The following LYPD6B variants were observed in gnomAD, a reference collection of about 807,000 sequenced individuals.
LYPD6B encodes the protein LY6/PLAUR domain containing 6B.
In LYPD6B, 17 loss-of-function variants were observed where a neutral mutation model predicts 22.8. The ratio of observed to expected loss-of-function variants is 0.75; its 90% CI spans 0.51 to 1.12. LYPD6B has a LOEUF of 1.12. Among genes scored for constraint, LYPD6B ranks in the 50% most tolerant of loss-of-function variants. The pLI is 0.00. For missense variants in LYPD6B, 221 were observed against 258.3 expected (o/e 0.86, Z 0.99); for synonymous variants, 106 against 91.6 (o/e 1.16, Z -0.90).
At chr2:149,076,478 A>G (rs1486206379) in intron 1 of LYPD6B, among the ~76,000 whole-genome samples, 1 of 152,246 alleles carries the variant, frequency 6.6e-6, no homozygotes, top group Non-Finnish European at 1.5e-5. Flanking sequence ...ACACACAGAA[A>G]AAGATTTGTC....
intron 1 of LYPD6B, among the ~76,000 whole-genome samples, chr2:149,058,129 G>A (rs1683894848): frequency 6.6e-6 from 1 of 152,160 alleles, no homozygotes; most frequent in Non-Finnish European, 1.5e-5. Context: ...TGGATGAGTT[G>A]CCTTGGCCCT....
chr2:149,089,107 T>C (rs1270244594), intron 1 of LYPD6B, among the ~76,000 whole-genome samples: 3 of 152,224 alleles, frequency 2.0e-5, no homozygotes, highest in African/African-American at 4.8e-5. Flanking sequence ...TAGTGTACTA[T>C]AGATGAATTT....
chr2:149,143,334 C>CTT (rs35292057), intron 2 of LYPD6B, among the ~76,000 whole-genome samples: 28 of 148,114 alleles, frequency 1.9e-4, no homozygotes, highest in Admixed American at 3.4e-4. Context: ...TTGGTTCCAA[C>CTT]TTTTTTTTTT....
At chr2:149,129,287 G>A (rs1687884421) in intron 1 of LYPD6B, among the ~76,000 whole-genome samples, 1 of 152,214 alleles carries the variant, frequency 6.6e-6, no homozygotes, top group Non-Finnish European at 1.5e-5. Flanking sequence ...GCTATAGCGG[G>A]TGAAGTTACT....
At chr2:149,119,408 C>G (rs572464452) in intron 1 of LYPD6B, among the ~76,000 whole-genome samples, 1 of 152,336 alleles carries the variant, frequency 6.6e-6, no homozygotes, top group East Asian at 1.9e-4. Context: ...TTGTCTTCCA[C>G]ACGAAGACAT....
chr2:149,125,254 GC>G (rs889875881), intron 1 of LYPD6B, among the ~76,000 whole-genome samples: 7 of 152,060 alleles, frequency 4.6e-5, no homozygotes, highest in Non-Finnish European at 8.8e-5. Flanking sequence ...ACAACGCCTG[GC>G]CCCGACAAAG....
chr2:149,155,080 G>A (rs897759292), intron 2 of LYPD6B, among the ~76,000 whole-genome samples: 1 of 151,822 alleles, frequency 6.6e-6, no homozygotes, highest in Non-Finnish European at 1.5e-5. Context: ...CAGTGTCAAG[G>A]GTATGTTCCT....
chr2:149,126,747 A>G (rs1011380110), intron 1 of LYPD6B, among the ~76,000 whole-genome samples: 9 of 152,194 alleles, frequency 5.9e-5, no homozygotes, highest in Non-Finnish European at 1.0e-4. Context: ...ATTGGTGTCT[A>G]TCACCAGTTC....
chr2:149,038,831 C>CGGTGGT (rs1166262284), intron 1 of LYPD6B, 30 bp downstream of exon 1: 1 of 150,394 alleles, frequency 6.6e-6, no homozygotes, highest in Non-Finnish European at 1.5e-5. Context: ...CAGGCGGGGG[C>CGGTGGT]GGTGGTGGGT....
chr2:149,172,916 C>G (rs1465228841), intron 3 of LYPD6B, among the ~76,000 whole-genome samples: 1 of 151,966 alleles, frequency 6.6e-6, no homozygotes, highest in Non-Finnish European at 1.5e-5. Flanking sequence ...CAAACTATAC[C>G]ACCAGCTTGC....
At chr2:149,079,889 G>C (rs1335205776) in intron 1 of LYPD6B, among the ~76,000 whole-genome samples, 1 of 152,144 alleles carries the variant, frequency 6.6e-6, no homozygotes, top group Non-Finnish European at 1.5e-5. Flanking sequence ...GCAACCTTTT[G>C]TAACAAAATT....
intron 1 of LYPD6B, among the ~76,000 whole-genome samples, chr2:149,121,131 A>G (rs1687329747): frequency 6.6e-6 from 1 of 152,182 alleles, no homozygotes; most frequent in African/African-American, 2.4e-5. Flanking sequence ...ATAGTTCATT[A>G]AGTTGATATG....
intron 1 of LYPD6B, among the ~76,000 whole-genome samples, chr2:149,066,350 C>T (rs1017636027): frequency 2.0e-5 from 3 of 151,548 alleles, no homozygotes; most frequent in Admixed American, 6.6e-5. Flanking sequence ...CAACAGGCCC[C>T]GGTGTGTGAT....
At chr2:149,055,725 C>T (rs1574883992) in intron 1 of LYPD6B, among the ~76,000 whole-genome samples, 1 of 152,068 alleles carries the variant, frequency 6.6e-6, no homozygotes, top group East Asian at 1.9e-4. Flanking sequence ...GATCTTGTAT[C>T]CTGAAATCTT....
Position 149,168,315 on chromosome 2 carries a change from A to T in LYPD6B, c.77+7480A>T, listed in dbSNP as rs143122104. Among the ~76,000 whole-genome samples, 213 of 151,992 alleles carry T rather than the reference A, an allele frequency of 1.4e-3. 1 individual carries two copies. The highest frequency in any genetic ancestry group is 5.0e-3 in the African/African-American group (206 of 41,466). ...TCAATGGTTAAAGGCATATTTACAC[A>T]TTTGCACATGTGCCCGTCAGGTTCC... is the stretch of plus-strand genomic sequence containing the variant. On this transcript the variant is annotated intron_variant, in intron 3 of 6. Coordinates refer to ENST00000409642, the MANE Select transcript of LYPD6B (RefSeq NM_177964.5).
chr2:149,163,835 A>G (rs1273571287), intron 3 of LYPD6B, among the ~76,000 whole-genome samples: 1 of 152,192 alleles, frequency 6.6e-6, no homozygotes, highest in Non-Finnish European at 1.5e-5. Flanking sequence ...AATTGGGTCT[A>G]TGAAATAAAC....
chr2:149,151,468 T>C (rs1373856731), intron 2 of LYPD6B, among the ~76,000 whole-genome samples: 1 of 152,204 alleles, frequency 6.6e-6, no homozygotes, highest in African/African-American at 2.4e-5. Context: ...ATGAGGAAGC[T>C]GTAGTCTTCC....
At chr2:149,054,474 T>C (rs1683697969) in intron 1 of LYPD6B, among the ~76,000 whole-genome samples, 1 of 152,228 alleles carries the variant, frequency 6.6e-6, no homozygotes, top group Non-Finnish European at 1.5e-5. Flanking sequence ...TATCTTGTTT[T>C]TACGTATTCT....
At chr2:149,130,564 C>G (rs1041829716) in intron 1 of LYPD6B, among the ~76,000 whole-genome samples, 4 of 152,214 alleles carry the variant, frequency 2.6e-5, no homozygotes, top group African/African-American at 7.2e-5. Context: ...CACTAACTTA[C>G]AGCAGAGCTG....
Sources: allele counts gnomAD v4.1 joint callset (sites outside exome capture counted in the v4.1 genomes callset), GRCh38; gene constraint gnomAD v4.1.1; transcripts MANE v1.5; gene names NCBI Gene and HGNC (gene_info 2026-07-23, HGNC 2026-07-21).